Variants in NRG1 observed in about 807,000 individuals in gnomAD.
NRG1 encodes pro-neuregulin-1, membrane-bound isoform.
Under a neutral mutation model 63.8 loss-of-function variants are expected in NRG1, and 18 were observed. That is an observed-to-expected ratio of 0.28 (90% CI 0.19 to 0.42). The LOEUF is 0.42. Ranked by LOEUF, NRG1 falls within the 10% of genes least tolerant of loss-of-function variation. The probability of loss-of-function intolerance (pLI) is 1.00; values close to 1 mark genes in which losing one functional copy is unlikely to be tolerated. For missense variants in NRG1, 762 were observed against 814.7 expected, an observed-to-expected ratio of 0.94 and a Z score of 0.79; for synonymous variants, 302 against 301.3, an observed-to-expected ratio of 1.00 and a Z score of -0.02.
chr8:32,604,325 G>A (rs977832283), intron 2 of NRG1, among the ~76,000 whole-genome samples: 1 of 152,148 alleles, frequency 6.6e-6, no homozygotes, highest in Non-Finnish European at 1.5e-5. Flanking sequence ...TGGTTCAATC[G>A]GATAGACTGG....
intron 1 of NRG1, among the ~76,000 whole-genome samples, chr8:32,294,103 A>G: frequency 6.6e-6 from 1 of 152,214 alleles, no homozygotes; most frequent in African/African-American, 2.4e-5. Flanking sequence ...CTAAAAATTC[A>G]GATTCCCTTT....
chr8:31,718,636 AACTGGATCACTTTATAT>A (rs1447949697), intron 1 of NRG1, among the ~76,000 whole-genome samples: 1 of 152,230 alleles, frequency 6.6e-6, no homozygotes, highest in Non-Finnish European at 1.5e-5. Context: ...AGACATATCC[AACTGGATCACTTTATAT>A]ACAGAGATAT....
At chr8:32,215,231 T>C (rs1006147738) in intron 1 of NRG1, among the ~76,000 whole-genome samples, 2 of 152,244 alleles carry the variant, frequency 1.3e-5, no homozygotes, top group Non-Finnish European at 2.9e-5. Flanking sequence ...CAATCTTTTC[T>C]TCAGAATACT....
Position 31,677,457 on chromosome 8 carries a change from C to T in NRG1, c.37+38026C>T, listed in dbSNP as rs140284825. Among the ~76,000 whole-genome samples, 1,480 of 152,142 alleles carry T rather than the reference C, an allele frequency of 9.7e-3. 15 individuals are homozygous for T. The highest frequency in any genetic ancestry group is 0.062 in the Middle Eastern group (18 of 292). ...CCTATCTGTGGCTTTTCTCCTATAA[C>T]ATTTTTCTAACTTAATTGTCAGAAT... On this transcript the variant is annotated intron_variant, in intron 1 of 10. Transcript: ENST00000519301.
At chr8:31,665,526 CTA>C (rs1348716791) in intron 1 of NRG1, among the ~76,000 whole-genome samples, 1 of 152,128 alleles carries the variant, frequency 6.6e-6, no homozygotes, top group Non-Finnish European at 1.5e-5. Flanking sequence ...GTCAGCCAAA[CTA>C]TGTTTTAGAG....
chr8:32,502,622 A>G (rs890966761), intron 1 of NRG1, among the ~76,000 whole-genome samples: 1 of 150,784 alleles, frequency 6.6e-6, no homozygotes, highest in Admixed American at 6.6e-5. Flanking sequence ...CGTCTTTCTT[A>G]TTTAAATGAC....
At chr8:32,228,427 C>A (rs1468462181) in intron 1 of NRG1, among the ~76,000 whole-genome samples, 1 of 152,066 alleles carries the variant, frequency 6.6e-6, no homozygotes, top group Non-Finnish European at 1.5e-5. Flanking sequence ...GTTTCTACTA[C>A]TTTTCAGTTC....
intron 1 of NRG1, among the ~76,000 whole-genome samples, chr8:31,755,715 T>C (rs1816901036): frequency 6.6e-6 from 1 of 152,114 alleles, no homozygotes; most frequent in Non-Finnish European, 1.5e-5. Context: ...GGGGTTCCAC[T>C]GCACTGCAGC....
At chr8:32,579,228 GC>G (rs1840222459) in intron 1 of NRG1, among the ~76,000 whole-genome samples, 1 of 82,056 alleles carries the variant, frequency 1.2e-5, no homozygotes, top group African/African-American at 4.9e-5. Flanking sequence ...GGATACTATT[GC>G]CACTGGGATG....
chr8:32,496,930 G>T (rs993608757), intron 1 of NRG1, among the ~76,000 whole-genome samples: 2 of 152,104 alleles, frequency 1.3e-5, no homozygotes, highest in Non-Finnish European at 2.9e-5. Flanking sequence ...AGGAAAAGCA[G>T]ATGTAAGTTC....
chr8:32,242,956 A>G (rs1848253140), intron 1 of NRG1, among the ~76,000 whole-genome samples: 2 of 152,112 alleles, frequency 1.3e-5, no homozygotes, highest in African/African-American at 4.8e-5. Context: ...TGGCGTCAAA[A>G]AGTCCAAAAT....
intron 1 of NRG1, among the ~76,000 whole-genome samples, chr8:32,431,655 CTTATT>C (rs1435509712): frequency 2.6e-5 from 4 of 151,990 alleles, no homozygotes; most frequent in Admixed American, 2.6e-4. Flanking sequence ...CCTGTCTGTG[CTTATT>C]TTGTGTTTTC....
chr8:31,680,644 G>A (rs2131058594), intron 1 of NRG1, among the ~76,000 whole-genome samples: 1 of 150,938 alleles, frequency 6.6e-6, no homozygotes, highest in African/African-American at 2.4e-5. Flanking sequence ...ATAGTCCTTT[G>A]GGTATATACC....
intron 1 of NRG1, among the ~76,000 whole-genome samples, chr8:31,695,583 T>C (rs1809977925): frequency 6.6e-6 from 1 of 152,204 alleles, no homozygotes; most frequent in South Asian, 2.1e-4. Flanking sequence ...ACCAGATCCC[T>C]GTCCCAACAT....
intron 1 of NRG1, among the ~76,000 whole-genome samples, chr8:31,921,320 C>G (rs901422156): frequency 6.6e-6 from 1 of 152,126 alleles, no homozygotes; most frequent in African/African-American, 2.4e-5. Context: ...ACTGTGTTCT[C>G]AACTGCACTG....
chr8:31,873,755 T>C (rs1471392915), intron 1 of NRG1, among the ~76,000 whole-genome samples: 1 of 152,194 alleles, frequency 6.6e-6, no homozygotes, highest in African/African-American at 2.4e-5. Flanking sequence ...ATTACATTTG[T>C]GAAGTTGTTG....
chr8:32,700,772 A>C (rs532016663), intron 5 of NRG1, among the ~76,000 whole-genome samples: 1 of 152,242 alleles, frequency 6.6e-6, no homozygotes, highest in African/African-American at 2.4e-5. Context: ...GAGTGAGCAC[A>C]CTGATACATT....
chr8:32,109,290 C>T (rs1174103950), intron 1 of NRG1, among the ~76,000 whole-genome samples: 6 of 152,126 alleles, frequency 3.9e-5, no homozygotes, highest in Non-Finnish European at 8.8e-5. Context: ...TATAGAGGCA[C>T]AATAGATCAT....
chr8:32,153,255 A>C (rs955096550), intron 1 of NRG1, among the ~76,000 whole-genome samples: 2 of 152,098 alleles, frequency 1.3e-5, no homozygotes, highest in Non-Finnish European at 2.9e-5. Context: ...GAGGAAGAAG[A>C]AGCAATCCCA....
Sources: allele counts gnomAD v4.1 joint callset (sites outside exome capture counted in the v4.1 genomes callset), GRCh38; gene constraint gnomAD v4.1.1; transcripts MANE v1.5; gene names NCBI Gene and HGNC (gene_info 2026-07-23, HGNC 2026-07-21).